Variants in TJP2 observed in about 807,000 individuals in gnomAD.
The protein encoded by TJP2 is Friedreich ataxia region gene X104 (tight junction protein ZO-2).
TJP2 carries 91 observed loss-of-function variants against 133.1 expected under a neutral mutation model. The ratio of observed to expected loss-of-function variants is 0.68; its 90% CI spans 0.58 to 0.81. The LOEUF (loss-of-function observed/expected upper bound fraction) is 0.81. Among genes scored for constraint, TJP2 ranks in the 40% least tolerant of loss-of-function variants. TJP2 has a pLI of 0.00. For missense variants in TJP2, 1,541 were observed against 1,565.6 expected (o/e 0.98, Z 0.26); for synonymous variants, 592 against 583.4 (o/e 1.01, Z -0.21).
chr9:69,136,726 G>A (rs904765177), intron 1 of TJP2, among the ~76,000 whole-genome samples: 1 of 152,160 alleles, frequency 6.6e-6, no homozygotes, highest in African/African-American at 2.4e-5. Context: ...AGCCCATGAG[G>A]GAGAAGGAGA....
At chr9:69,224,465 G>GT (rs2133302492) in intron 5 of TJP2, among the ~76,000 whole-genome samples, 1 of 152,230 alleles carries the variant, frequency 6.6e-6, no homozygotes, top group South Asian at 2.1e-4. Flanking sequence ...ATCACCTGAG[G>GT]TCAGGAGTTC....
intron 2 of TJP2, among the ~76,000 whole-genome samples, chr9:69,163,158 T>A (rs1824175589): frequency 9.7e-6 from 1 of 102,830 alleles, no homozygotes; most frequent in Non-Finnish European, 2.0e-5. Context: ...CCCAAGTAGC[T>A]GGGACTACAG....
intron 2 of TJP2, among the ~76,000 whole-genome samples, chr9:69,213,929 G>A (rs1411543476): frequency 6.6e-6 from 1 of 152,146 alleles, no homozygotes; most frequent in Non-Finnish European, 1.5e-5. Context: ...GTTTGTAATT[G>A]TGTATAATCA....
chr9:69,190,353 G>T (rs1195334639), intron 1 of TJP2, among the ~76,000 whole-genome samples: 1 of 152,170 alleles, frequency 6.6e-6, no homozygotes, highest in African/African-American at 2.4e-5. Flanking sequence ...TCTGAAGCAA[G>T]ATTTTGACCT....
At chr9:69,162,377 C>A (rs1034024696) in intron 2 of TJP2, among the ~76,000 whole-genome samples, 17 of 151,920 alleles carry the variant, frequency 1.1e-4, no homozygotes, top group African/African-American at 3.6e-4. Context: ...TAACATCTTA[C>A]AGGTTATTAT....
intron 1 of TJP2, among the ~76,000 whole-genome samples, chr9:69,137,563 C>A (rs1822832833): frequency 6.6e-6 from 1 of 151,496 alleles, no homozygotes; most frequent in South Asian, 2.1e-4. Flanking sequence ...GGAGTTTTGT[C>A]ATGTTGCCCA....
At chr9:69,188,549 C>T (rs966270827) in intron 1 of TJP2, among the ~76,000 whole-genome samples, 1 of 152,114 alleles carries the variant, frequency 6.6e-6, no homozygotes, top group Admixed American at 6.5e-5. Flanking sequence ...TAAACATCAT[C>T]GCTGAAAGTG....
chr9:69,146,295 A>G (rs1823207655), intron 1 of TJP2, among the ~76,000 whole-genome samples: 1 of 152,202 alleles, frequency 6.6e-6, no homozygotes, highest in Non-Finnish European at 1.5e-5. Flanking sequence ...ATTTACCATG[A>G]TGAAGAAAGG....
Position 69,174,348 on chromosome 9 carries a change from C to T in TJP2, c.-25C>T. ...AGCAGAAGCGGGGTCCGGAGCTGCG[C>T]GCCTACGCGGGACCTGTGTCCGAAA... On this transcript the variant is annotated 5_prime_UTR_variant, in exon 1 of 23. Transcript: ENST00000377245. The T allele has an allele frequency of 6.4e-7, 1 of 1,551,274 alleles. No individual in the cohort carries two copies. The highest frequency in any genetic ancestry group is 8.7e-7 in the Non-Finnish European group (1 of 1,146,890).
At chr9:69,232,911 A>AG (rs142396088) in intron 11 of TJP2, among the ~76,000 whole-genome samples, 1,532 of 152,330 alleles carry the variant, frequency 0.01, 24 homozygotes, top group African/African-American at 0.035. Context: ...GACTGATCTA[A>AG]GGTTAATCTC....
Position 69,254,551 on chromosome 9 carries a change from G to C in TJP2, c.*177G>C, listed in dbSNP as rs1336659192. 1 of 795,502 alleles carries C rather than the reference G, an allele frequency of 1.3e-6. No homozygotes were observed. The highest frequency in any genetic ancestry group is 2.1e-6 in the Non-Finnish European group (1 of 481,836). The allele number at this position is 795,502 out of a possible 1,614,324, so 49.3% of individuals were successfully genotyped here. On this transcript the variant is annotated 3_prime_UTR_variant, in exon 23 of 23. Transcript: ENST00000377245. ...CAGCTGGTGCAAATTCAGAACTGAG[G>C]GCTCTGTTTGTGGGACTGGGTTAGA...
chr9:69,210,864 A>G (rs148117320), intron 1 of TJP2, among the ~76,000 whole-genome samples: 421 of 150,898 alleles, frequency 2.8e-3, no homozygotes, highest in African/African-American at 9.8e-3. Flanking sequence ...AGTAGCTGGG[A>G]CTATGGCATG....
chr9:69,186,106 A>G (rs776638041), intron 1 of TJP2, among the ~76,000 whole-genome samples: 1 of 152,122 alleles, frequency 6.6e-6, no homozygotes, highest in African/African-American at 2.4e-5. Context: ...TCTTGAACCA[A>G]TGTTGGCAAC....
Position 69,219,844 on chromosome 9 carries a change from C to T in TJP2, c.343-1043C>T, listed in dbSNP as rs546424868. 5.9e-5 allele frequency among the ~76,000 whole-genome samples: 9 copies of T among 152,146 alleles called. No individual in the cohort carries two copies. In the East Asian group the frequency reaches 1.7e-3, roughly 29 times the overall value. On this transcript the variant is annotated intron_variant, in intron 4 of 22. Transcript: ENST00000377245. ...GAAGGGTTCCTCTTTCCCCTTGCCC[C>T]TCTACCCCACCCCCCACTTTAAAAA...
chr9:69,204,816 G>A (rs1827270030), intron 1 of TJP2: 1 of 1,075,326 alleles, frequency 9.3e-7, no homozygotes, highest in Middle Eastern at 4.3e-4. Flanking sequence ...GCTCTAAAGT[G>A]TCTCATTTAC....
chr9:69,204,557 G>A (rs146331940), intron 1 of TJP2, among the ~76,000 whole-genome samples: 51 of 152,372 alleles, frequency 3.3e-4, no homozygotes, highest in African/African-American at 1.1e-3. Context: ...AGGTTAGACA[G>A]TGGAACTTTG....
intron 17 of TJP2, among the ~76,000 whole-genome samples, chr9:69,240,750 T>A (rs572044870): frequency 6.6e-6 from 1 of 151,524 alleles, no homozygotes; most frequent in African/African-American, 2.4e-5. Context: ...TGCAGTGAGC[T>A]GTGATGGCAC....
intron 5 of TJP2, among the ~76,000 whole-genome samples, chr9:69,224,036 G>T (rs1376524040): frequency 6.6e-6 from 1 of 152,200 alleles, no homozygotes; most frequent in Non-Finnish European, 1.5e-5. Context: ...TTAAAATAAT[G>T]TATTTTTACA....
chr9:69,248,954 T>C, intron 19 of TJP2: 2 of 981,368 alleles, frequency 2.0e-6, no homozygotes, highest in Non-Finnish European at 2.4e-6. Context: ...TTTTTTTCTT[T>C]ATGAAATAGA....
Sources: gnomAD v4.1 joint callset for allele counts (sites outside exome capture counted in the v4.1 genomes callset) on GRCh38, gnomAD v4.1.1 for gene constraint, MANE v1.5 for transcripts, NCBI Gene and HGNC (gene_info 2026-07-23, HGNC 2026-07-21) for gene names.